The following DOCK4 variants were observed in gnomAD, a reference collection of about 807,000 sequenced individuals.
The protein encoded by DOCK4 is dedicator of cytokinesis protein 4.
Under a neutral mutation model 268.1 loss-of-function variants are expected in DOCK4, and 97 were observed. The ratio of observed to expected loss-of-function variants is 0.36; its 90% confidence interval spans 0.31 to 0.43. DOCK4 has a LOEUF of 0.43. Among genes scored for constraint, DOCK4 ranks in the 20% least tolerant of loss-of-function variants. The pLI, the probability that DOCK4 is intolerant of heterozygous loss-of-function variation, is 1.00. For missense variants in DOCK4, 2,145 were observed against 2,455.7 expected (o/e 0.87, Z 2.67); for synonymous variants, 954 against 887.2 (o/e 1.08, Z -1.34).
chr7:111,806,568 C>G (rs567800645), intron 30 of DOCK4, among the ~76,000 whole-genome samples: 1 of 152,272 alleles, frequency 6.6e-6, no homozygotes, highest in East Asian at 1.9e-4. Flanking sequence ...AAAGGAGGAG[C>G]CTTTTCTAAC....
intron 1 of DOCK4, among the ~76,000 whole-genome samples, chr7:112,167,737 CAATT>C (rs761298988): frequency 6.4e-4 from 97 of 152,050 alleles, no homozygotes; most frequent in Non-Finnish European, 8.7e-4. Context: ...TTAAATAACT[CAATT>C]AATCAGTACA....
At chr7:112,046,809 A>T (rs1156396640) in intron 1 of DOCK4, among the ~76,000 whole-genome samples, 1 of 152,224 alleles carries the variant, frequency 6.6e-6, no homozygotes, top group Non-Finnish European at 1.5e-5. Context: ...TAGAGGGTCC[A>T]GGCCATGGAG....
chr7:112,107,852 T>C (rs928977943), intron 1 of DOCK4, among the ~76,000 whole-genome samples: 2 of 152,230 alleles, frequency 1.3e-5, no homozygotes, highest in African/African-American at 4.8e-5. Context: ...GATGTGCTGA[T>C]TGCCTGTGAC....
chr7:111,867,892 G>A (rs1806102859), intron 22 of DOCK4, 92 bp downstream of exon 22: 1 of 1,234,686 alleles, frequency 8.1e-7, no homozygotes, highest in African/African-American at 1.6e-5. Context: ...ATTGACTTCT[G>A]ATGGAGAAAA....
At chr7:112,204,310 T>C (rs996024489) in intron 1 of DOCK4, among the ~76,000 whole-genome samples, 2 of 152,132 alleles carry the variant, frequency 1.3e-5, no homozygotes, top group African/African-American at 4.8e-5. Context: ...AATTTAACAC[T>C]TGGAAGAAAG....
intron 23 of DOCK4, among the ~76,000 whole-genome samples, chr7:111,854,097 A>T (rs1440080538): frequency 6.6e-6 from 1 of 151,852 alleles, no homozygotes; most frequent in East Asian, 1.9e-4. Flanking sequence ...CACCTGGCTA[A>T]TTTTTATATT....
intron 50 of DOCK4, among the ~76,000 whole-genome samples, chr7:111,736,128 A>AC (rs1272504777): frequency 1.3e-5 from 2 of 152,208 alleles, no homozygotes; most frequent in Admixed American, 6.5e-5. Flanking sequence ...TCTCCCAAGG[A>AC]AAGTTCTAAT....
chr7:112,066,376 T>G (rs1247333977), intron 1 of DOCK4, among the ~76,000 whole-genome samples: 2 of 151,898 alleles, frequency 1.3e-5, no homozygotes, highest in African/African-American at 2.4e-5. Flanking sequence ...TAAGCCACTC[T>G]ACTGGCTTAC....
chr7:112,010,746 A>G (rs1458211022), intron 1 of DOCK4, among the ~76,000 whole-genome samples: 2 of 152,222 alleles, frequency 1.3e-5, no homozygotes, highest in Non-Finnish European at 2.9e-5. Flanking sequence ...CCTTTGAGAC[A>G]TGTCACGCAA....
chr7:112,035,998 A>T (rs1386772741), intron 1 of DOCK4, among the ~76,000 whole-genome samples: 1 of 152,198 alleles, frequency 6.6e-6, no homozygotes. Context: ...AAAGGAAGTT[A>T]TCTACTAGAG....
At chr7:112,168,815 A>T (rs1817831032) in intron 1 of DOCK4, among the ~76,000 whole-genome samples, 1 of 152,214 alleles carries the variant, frequency 6.6e-6, no homozygotes, top group Admixed American at 6.5e-5. Flanking sequence ...TATATTTGTC[A>T]ATCACTGAAG....
chr7:112,018,179 A>AAAAAAAAAAAAAACACAC, intron 1 of DOCK4, among the ~76,000 whole-genome samples: 3 of 72,590 alleles, frequency 4.1e-5, no homozygotes, highest in South Asian at 4.4e-4. Context: ...AAAAAAAAAA[A>AAAAAAAAAAAAAACACAC]ACACAGGCAA....
intron 8 of DOCK4, among the ~76,000 whole-genome samples, chr7:111,960,437 ATGT>A (rs1234403194): frequency 1.3e-5 from 2 of 149,918 alleles, no homozygotes; most frequent in Non-Finnish European, 3.0e-5. Context: ...TAAATAAAAC[ATGT>A]TGTTTTGAAA....
chr7:112,191,989 A>G (rs989028725), intron 1 of DOCK4, among the ~76,000 whole-genome samples: 13 of 148,232 alleles, frequency 8.8e-5, no homozygotes, highest in African/African-American at 3.2e-4. Flanking sequence ...AAGTATACTT[A>G]AATATTATAT....
chr7:112,087,806 G>A (rs1471553913), intron 1 of DOCK4, among the ~76,000 whole-genome samples: 1 of 151,902 alleles, frequency 6.6e-6, no homozygotes, highest in Non-Finnish European at 1.5e-5. Context: ...ACATTGTATT[G>A]GGACCATTTG....
intron 32 of DOCK4, 52 bp downstream of exon 32, chr7:111,788,610 T>G (rs1018990271): frequency 6.8e-7 from 1 of 1,470,660 alleles, no homozygotes; most frequent in African/African-American, 1.4e-5. Context: ...GGCTCAGTAC[T>G]GACACCAAAT....
intron 12 of DOCK4, among the ~76,000 whole-genome samples, chr7:111,933,400 T>G (rs1206109888): frequency 6.6e-6 from 1 of 150,424 alleles, no homozygotes; most frequent in Non-Finnish European, 1.5e-5. Flanking sequence ...GTTTAAGCGA[T>G]TCTCCTGCCT....
At chr7:111,798,568 A>C (rs1439179138) in intron 30 of DOCK4, among the ~76,000 whole-genome samples, 1 of 152,192 alleles carries the variant, frequency 6.6e-6, no homozygotes, top group Non-Finnish European at 1.5e-5. Context: ...TACTAGGCAA[A>C]AAAAGCCTCC....
chr7:111,802,280 G>T (rs551507878), intron 30 of DOCK4, among the ~76,000 whole-genome samples: 3 of 152,178 alleles, frequency 2.0e-5, no homozygotes, highest in African/African-American at 7.2e-5. Flanking sequence ...GAAAATTTCT[G>T]TTGGGGCAAA....
Sources: allele counts gnomAD v4.1 joint callset (sites outside exome capture counted in the v4.1 genomes callset), GRCh38; gene constraint gnomAD v4.1.1; transcripts MANE v1.5; gene names NCBI Gene and HGNC (gene_info 2026-07-23, HGNC 2026-07-21).